Variants in DPP8 observed in about 807,000 individuals in gnomAD.
The protein encoded by DPP8 is DPP VIII.
Under a neutral mutation model 107.5 loss-of-function variants are expected in DPP8, and 31 were observed. The ratio of observed to expected loss-of-function variants is 0.29; its 90% CI spans 0.22 to 0.39. The LOEUF (loss-of-function observed/expected upper bound fraction) is 0.39. Among genes scored for constraint, DPP8 ranks in the 10% least tolerant of loss-of-function variants. The probability of loss-of-function intolerance (pLI) is 1.00; values close to 1 mark genes in which losing one functional copy is unlikely to be tolerated. For missense variants in DPP8, 842 were observed against 1,076.1 expected (o/e 0.78, Z 3.04); for synonymous variants, 381 against 356.6 (o/e 1.07, Z -0.77).
chr15:65,488,603 C>CAA (rs1166493197), intron 6 of DPP8, among the ~76,000 whole-genome samples: 564 of 43,718 alleles, frequency 0.013, no homozygotes, highest in Middle Eastern at 0.022. Flanking sequence ...GACCCTGCCT[C>CAA]AAAAAAAAAA....
At chr15:65,512,006 T>C (rs1442328171) in intron 2 of DPP8, 4 of 540,118 alleles carry the variant, frequency 7.4e-6, no homozygotes, top group Admixed American at 6.9e-5. Context: ...GTTTTCCTAA[T>C]CAGACCATCT....
At position 65,500,720 on chromosome 15, in the gene DPP8, G is replaced by A; in HGVS notation, c.432C>T (p.Arg144=). 1 of 1,613,816 alleles carries A rather than the reference G, an allele frequency of 6.2e-7. No homozygotes were observed. Among genetic ancestry groups the A allele is most frequent in the Non-Finnish European group, 8.5e-7 (1 of 1,179,824 alleles). ...REEELLRERK[R]IGTVGIASYD... Reference sequence around the variant, plus strand: ...AAGAAGCAATTCCGACTGTTCCAATGCGTTTTCTTTCTCTTAATAGTTCTT... The same window carrying A: ...AAGAAGCAATTCCGACTGTTCCAATACGTTTTCTTTCTCTTAATAGTTCTT... The change falls in exon 4 of 20, where the codon CGC becomes CGT. Residue 144 remains arginine (R), a synonymous_variant. Transcript: ENST00000300141.
chr15:65,454,157 A>AAAT, intron 17 of DPP8, 106 bp downstream of exon 17: 1 of 858,580 alleles, frequency 1.2e-6, no homozygotes, highest in Non-Finnish European at 1.6e-6. Flanking sequence ...AAAAAAAAAA[A>AAAT]TTGCCAACTC....
chr15:65,500,924 C>T (rs1402029676), intron 3 of DPP8, 145 bp from the exon 4 acceptor site: 2 of 625,840 alleles, frequency 3.2e-6, no homozygotes, highest in African/African-American at 4.0e-5. Context: ...GTCACCCAGG[C>T]TGGAGTGCAG....
chr15:65,463,801 T>C lies in DPP8; in HGVS notation c.1931A>G (p.Lys644Arg), dbSNP rs996525832. ...LYKPHDLQPGKKYPTVLFIYG... is the reference protein window; with the variant it reads ...LYKPHDLQPGRKYPTVLFIYG... ...TATGAACAGCACAGTAGGATATTTC[T>C]TTCCAGGCTGTAGATCATGAGGCTT... Residue 644 changes from lysine (K) to arginine (R), a missense_variant, in exon 15 of 20, where the codon AAG becomes AGG. Lys to Arg is a conservative substitution (Grantham distance 26, BLOSUM62 2). Coordinates refer to ENST00000300141, the MANE Select transcript of DPP8 (RefSeq NM_130434.5). 1.2e-4 allele frequency: 194 copies of C among 1,613,402 alleles called. No homozygotes were observed. Among genetic ancestry groups the C allele is most frequent in the Non-Finnish European group, 1.6e-4 (183 of 1,179,558 alleles).
At chr15:65,479,737 G>C (rs915595797) in intron 10 of DPP8, among the ~76,000 whole-genome samples, 1 of 151,418 alleles carries the variant, frequency 6.6e-6, no homozygotes, top group African/African-American at 2.4e-5. Flanking sequence ...CCAGCTACTC[G>C]GGAGGCTGAG....
chr15:65,485,404 C>T (rs11634251), intron 7 of DPP8, among the ~76,000 whole-genome samples: 30,778 of 151,108 alleles, frequency 0.2, 3,478 homozygotes, highest in African/African-American at 0.3. Context: ...ATTAGCTGGG[C>T]GTGGTGGTGT....
chr15:65,517,179 C>G (rs572249913), intron 1 of DPP8: 1 of 152,474 alleles, frequency 6.6e-6, no homozygotes, highest in African/African-American at 2.4e-5. Context: ...CTCCCAACCC[C>G]AGCGAGACTC....
At chr15:65,512,677 C>T (rs2070947087) in intron 1 of DPP8, 113 bp from the exon 2 acceptor site, 2 of 1,034,062 alleles carry the variant, frequency 1.9e-6, no homozygotes, top group Admixed American at 2.4e-5. Context: ...GAAAAAAATG[C>T]TTTTTAGCAC....
At chr15:65,456,191 G>T (rs1341370894) in intron 16 of DPP8, 34 bp downstream of exon 16, 1 of 1,595,510 alleles carries the variant, frequency 6.3e-7, no homozygotes, top group African/African-American at 1.4e-5. Context: ...AAATGTAAAT[G>T]TCTGTAAAAG....
chr15:65,463,992 T>A (rs2065127966), intron 14 of DPP8, 86 bp from the exon 15 acceptor site: 1 of 1,063,388 alleles, frequency 9.4e-7, no homozygotes, highest in Non-Finnish European at 1.3e-6. Flanking sequence ...ATATTAAAAG[T>A]CAGCCCCGCC....
Position 65,454,250 on chromosome 15 carries a change from G to C in DPP8, c.2271+13C>G. The C allele has an allele frequency of 6.7e-7, 1 of 1,482,500 alleles. No individual in the cohort carries two copies. Among genetic ancestry groups the C allele is most frequent in the Non-Finnish European group, 8.9e-7 (1 of 1,120,686 alleles). The allele number at this position is 1,482,500 out of a possible 1,614,324, so 91.8% of individuals were successfully genotyped here. On this transcript the variant is annotated intron_variant, in intron 17 of 19. Coordinates refer to ENST00000300141, the MANE Select transcript of DPP8 (RefSeq NM_130434.5). ...CCTTATTGCAAAAATGAGTATAATA[G>C]GAAGTCACATACCCTGAAGATATCT...
chr15:65,513,118 T>C (rs1197399061), intron 1 of DPP8, among the ~76,000 whole-genome samples: 2 of 152,254 alleles, frequency 1.3e-5, no homozygotes, highest in Non-Finnish European at 2.9e-5. Flanking sequence ...TTGTTTCCTT[T>C]TAAATGGAAA....
At chr15:65,481,247 TA>T (rs2066901311) in intron 9 of DPP8, among the ~76,000 whole-genome samples, 1 of 152,222 alleles carries the variant, frequency 6.6e-6, no homozygotes, top group African/African-American at 2.4e-5. Context: ...GTCTGAGCCT[TA>T]AAGCCATATG....
chr15:65,464,922 T>C (rs2065213055), intron 14 of DPP8, among the ~76,000 whole-genome samples: 1 of 152,090 alleles, frequency 6.6e-6, no homozygotes, highest in Non-Finnish European at 1.5e-5. Context: ...GTCAATTTAA[T>C]TTTTCAGGGT....
chr15:65,455,102 T>C (rs2064299382), intron 16 of DPP8, among the ~76,000 whole-genome samples: 1 of 152,180 alleles, frequency 6.6e-6, no homozygotes, highest in South Asian at 2.1e-4. Context: ...GACAAAAAAT[T>C]AGCCCCTTAA....
At chr15:65,483,121 A>T (rs1434898128) in intron 8 of DPP8, among the ~76,000 whole-genome samples, 1 of 151,936 alleles carries the variant, frequency 6.6e-6, no homozygotes, top group African/African-American at 2.4e-5. Context: ...ATAAAATAAA[A>T]AAACAAAAAA....
chr15:65,500,872 TC>T, intron 3 of DPP8, 93 bp from the exon 4 acceptor site: 25 of 512,376 alleles, frequency 4.9e-5, no homozygotes, highest in South Asian at 8.3e-5. Context: ...CATTATTGAC[TC>T]TTTTTTTTTT....
intron 14 of DPP8, among the ~76,000 whole-genome samples, chr15:65,464,187 C>T (rs940222711): frequency 6.6e-6 from 1 of 151,786 alleles, no homozygotes; most frequent in Admixed American, 6.6e-5. Context: ...CACGGTGAAA[C>T]CCCGCCTCTA....
Sources: allele counts gnomAD v4.1 joint callset (sites outside exome capture counted in the v4.1 genomes callset), GRCh38; gene constraint gnomAD v4.1.1; transcripts MANE v1.5; gene names NCBI Gene and HGNC (gene_info 2026-07-23, HGNC 2026-07-21).